The following PPM1L variants were observed in gnomAD, a reference collection of about 807,000 sequenced individuals.
The protein encoded by PPM1L is protein phosphatase, Mg2+/Mn2+ dependent 1L, also known as protein phosphatase 1L.
Under a neutral mutation model 31.4 loss-of-function variants are expected in PPM1L, and 13 were observed. That is an observed-to-expected ratio of 0.41 (90% confidence interval 0.27 to 0.66). The LOEUF is 0.66. Ranked by LOEUF, PPM1L falls within the 30% of genes least tolerant of loss-of-function variation. PPM1L has a pLI of 0.29. For missense variants in PPM1L, 326 were observed against 453.7 expected (o/e 0.72, Z 2.56); for synonymous variants, 184 against 175.4 (o/e 1.05, Z -0.39).
intron 1 of PPM1L, among the ~76,000 whole-genome samples, chr3:160,768,883 T>G (rs1248123464): frequency 1.3e-5 from 2 of 152,232 alleles, no homozygotes; most frequent in African/African-American, 4.8e-5. Flanking sequence ...GTTCAGTGTC[T>G]CAGAAATTCT....
At chr3:161,026,850 A>G (rs775415415) in intron 2 of PPM1L, among the ~76,000 whole-genome samples, 1 of 152,188 alleles carries the variant, frequency 6.6e-6, no homozygotes, top group East Asian at 1.9e-4. Flanking sequence ...GGCCATGCCA[A>G]TTGTTGAGTT....
chr3:160,802,967 C>A (rs566060831), intron 1 of PPM1L, among the ~76,000 whole-genome samples: 1 of 152,106 alleles, frequency 6.6e-6, no homozygotes, highest in Admixed American at 6.5e-5. Context: ...TAGAGATTGG[C>A]GAAATTCCCT....
At chr3:160,801,506 T>C (rs1360744189) in intron 1 of PPM1L, among the ~76,000 whole-genome samples, 1 of 152,208 alleles carries the variant, frequency 6.6e-6, no homozygotes, top group Non-Finnish European at 1.5e-5. Flanking sequence ...TCATCTATAT[T>C]TTCTAAGTTT....
chr3:160,878,528 C>T (rs143530436), intron 1 of PPM1L, among the ~76,000 whole-genome samples: 1 of 152,246 alleles, frequency 6.6e-6, no homozygotes, highest in East Asian at 1.9e-4. Context: ...TATAAGGGCA[C>T]TAACCTTGTC....
chr3:160,893,864 G>A (rs891331676), intron 1 of PPM1L, among the ~76,000 whole-genome samples: 3 of 152,114 alleles, frequency 2.0e-5, no homozygotes, highest in Admixed American at 2.0e-4. Flanking sequence ...CCATTTAGTA[G>A]AAACCAAGCT....
intron 1 of PPM1L, among the ~76,000 whole-genome samples, chr3:160,779,549 G>T (rs1290813297): frequency 1.3e-5 from 2 of 151,984 alleles, no homozygotes; most frequent in Non-Finnish European, 2.9e-5. Context: ...TTGAGACAGG[G>T]TCTCATTCTG....
chr3:160,969,861 C>G (rs6768411), intron 2 of PPM1L, among the ~76,000 whole-genome samples: 152,299 of 152,344 alleles, frequency 1, 76,127 homozygotes, highest in Middle Eastern at 1. Context: ...CATTATAAAA[C>G]TAAATAAATA....
intron 1 of PPM1L, among the ~76,000 whole-genome samples, chr3:160,906,942 C>T (rs928563214): frequency 6.6e-6 from 1 of 152,168 alleles, no homozygotes; most frequent in African/African-American, 2.4e-5. Context: ...AGACAGAGTA[C>T]TTAAGATGGA....
chr3:161,023,345 T>C (rs905593998), intron 2 of PPM1L, among the ~76,000 whole-genome samples: 3 of 152,146 alleles, frequency 2.0e-5, no homozygotes, highest in African/African-American at 7.2e-5. Flanking sequence ...CTCATCTCCT[T>C]TAGGGAATCC....
At chr3:160,991,691 G>A (rs1717139934) in intron 2 of PPM1L, among the ~76,000 whole-genome samples, 2 of 151,996 alleles carry the variant, frequency 1.3e-5, no homozygotes, top group Admixed American at 1.3e-4. Context: ...TATTCCTAAC[G>A]ACTGTGGCCT....
chr3:160,975,496 G>T (rs1229027078), intron 2 of PPM1L, among the ~76,000 whole-genome samples: 3 of 152,222 alleles, frequency 2.0e-5, no homozygotes, highest in South Asian at 2.1e-4. Flanking sequence ...TGAGTCTTCT[G>T]ACCCATGAGC....
At chr3:161,048,758 G>T (rs1478928514) in intron 2 of PPM1L, among the ~76,000 whole-genome samples, 6 of 151,816 alleles carry the variant, frequency 4.0e-5, no homozygotes, top group Non-Finnish European at 4.4e-5. Context: ...CCATAAAAAA[G>T]GATGAGTTCA....
chr3:161,051,311 G>A (rs73158268), intron 2 of PPM1L, among the ~76,000 whole-genome samples: 1,973 of 151,758 alleles, frequency 0.013, 49 homozygotes, highest in African/African-American at 0.044. Context: ...AGAAAACACC[G>A]AGTACTTTGT....
chr3:160,889,312 G>A (rs554970648), intron 1 of PPM1L, among the ~76,000 whole-genome samples: 6 of 152,166 alleles, frequency 3.9e-5, no homozygotes, highest in African/African-American at 7.2e-5. Context: ...AAATGATAAC[G>A]GGGATATCAC....
chr3:160,852,344 G>A (rs1218107878), intron 1 of PPM1L, among the ~76,000 whole-genome samples: 1 of 152,082 alleles, frequency 6.6e-6, no homozygotes, highest in East Asian at 1.9e-4. Flanking sequence ...CACTCCAAAA[G>A]CAATTAAGGA....
In PPM1L at chr3:161,070,242, T is replaced by C. The variant is rs1289456103; in HGVS notation, c.*1085T>C. 2.6e-5 allele frequency: 4 copies of C among 152,334 alleles called. No homozygotes were observed. The East Asian group carries it at 5.8e-4, about 22-fold the overall frequency. The allele number at this position is 152,334 out of a possible 1,614,324, so 9.4% of individuals were successfully genotyped here. A position where few individuals can be genotyped will look rare whatever the true frequency, so the allele number is the denominator to read the frequency against. ...CAGCCTATAACTGTATGTGTGTTCC[T>C]TGAAGCCAGGTGCAGAGTTCCCAGC... On this transcript the variant is annotated 3_prime_UTR_variant, in exon 4 of 4. Coordinates refer to ENST00000498165, the MANE Select transcript of PPM1L (RefSeq NM_139245.4).
At chr3:160,843,426 T>TATATATATA (rs1713958611) in intron 1 of PPM1L, among the ~76,000 whole-genome samples, 3 of 47,538 alleles carry the variant, frequency 6.3e-5, no homozygotes, top group South Asian at 1.0e-3. Context: ...GGCAATTCTT[T>TATATATATA]TATATATATA....
chr3:160,803,815 C>T (rs1712511049), intron 1 of PPM1L, among the ~76,000 whole-genome samples: 1 of 152,166 alleles, frequency 6.6e-6, no homozygotes, highest in Non-Finnish European at 1.5e-5. Flanking sequence ...GGTATTTTTC[C>T]TCCTGTGTTT....
chr3:161,016,771 T>C (rs756988327), intron 2 of PPM1L, among the ~76,000 whole-genome samples: 6 of 152,236 alleles, frequency 3.9e-5, no homozygotes, highest in Non-Finnish European at 8.8e-5. Context: ...GCAGCTTTCC[T>C]AATTCTCAAT....
Sources: allele counts gnomAD v4.1 joint callset (sites outside exome capture counted in the v4.1 genomes callset), GRCh38; gene constraint gnomAD v4.1.1; transcripts MANE v1.5; gene names NCBI Gene and HGNC (gene_info 2026-07-23, HGNC 2026-07-21).